RPS16: variants seen among roughly 807,000 people sequenced by gnomAD.
RPS16 encodes the protein ribosomal protein S16.
Under a neutral mutation model 20.1 loss-of-function variants are expected in RPS16, and 2 were observed. The observed-to-expected ratio is 0.10, with a 90% CI of 0.04 to 0.31. The LOEUF (loss-of-function observed/expected upper bound fraction) is 0.31. Among genes scored for constraint, RPS16 ranks in the 10% least tolerant of loss-of-function variants. The pLI, the probability that RPS16 is intolerant of heterozygous loss-of-function variation, is 1.00. For synonymous variants in RPS16, 95 were observed against 76.1 expected (o/e 1.25, Z -1.29); for missense variants, 129 against 198.6 (o/e 0.65, Z 2.11).
chr19:39,433,416 C>T lies in RPS16; in HGVS notation c.298G>A (p.Val100Met). 1.2e-6 allele frequency: 2 copies of T among 1,614,144 alleles called. No individual in the cohort carries two copies. Among genetic ancestry groups the T allele is most frequent in the Non-Finnish European group, 1.7e-6 (2 of 1,180,000 alleles). ...ATCTCCTTCTTGGAAGCCTCATCCA[C>T]ATCTGGCAAGAAGAGCAGGGACGAG... Reference protein sequence around the residue: ...KALVAYYQKYVDEASKKEIKD... With the variant: ...KALVAYYQKYMDEASKKEIKD... The change falls in exon 5 of 5, where the codon GTG becomes ATG. Residue 100 changes from valine to methionine, a missense_variant and splice_region_variant. Coordinates refer to ENST00000251453, the MANE Select transcript of RPS16 (RefSeq NM_001020.6).
intron 2 of RPS16, chr19:39,435,118 G>A (rs1000701357): frequency 1.3e-5 from 2 of 158,214 alleles, no homozygotes; most frequent in African/African-American, 2.4e-5. Flanking sequence ...GGCCAATATG[G>A]CGAAACCCCG....
intron 2 of RPS16, chr19:39,434,721 G>A (rs2078849997): frequency 6.6e-6 from 1 of 152,124 alleles, no homozygotes. Context: ...GAAAGGCTGA[G>A]GTGGGAGGAT....
chr19:39,433,137 A>C lies in RPS16; in HGVS notation c.*136T>G. The C allele has an allele frequency of 2.0e-6, 2 of 997,034 alleles. No individual in the cohort carries two copies. Among genetic ancestry groups the C allele is most frequent in the Non-Finnish European group, 3.0e-6 (2 of 668,994 alleles). The allele number at this position is 997,034 out of a possible 1,614,324, so 61.8% of individuals were successfully genotyped here. On this transcript the variant is annotated 3_prime_UTR_variant, in exon 5 of 5. Coordinates refer to ENST00000251453, the MANE Select transcript of RPS16 (RefSeq NM_001020.6). ...GGGAGGGTCAAAATCCAGACTGGCA[A>C]TAGGTCCAGGATGTTTACTGATTTC... is the stretch of plus-strand genomic sequence containing the variant.
At chr19:39,433,959 G>A in intron 2 of RPS16, 198 bp from the exon 3 acceptor site, 1 of 577,368 alleles carries the variant, frequency 1.7e-6, no homozygotes, top group Non-Finnish European at 3.1e-6. Flanking sequence ...GACTGCTGAA[G>A]TGGTGTTAAG....
At chr19:39,435,731 G>A (rs768164666) in intron 1 of RPS16, 23 bp from the exon 2 acceptor site, 16 of 1,611,754 alleles carry the variant, frequency 9.9e-6, no homozygotes, top group African/African-American at 1.3e-5. Context: ...AGAGAAACAG[G>A]GGCCCCGTGA....
At position 39,433,191 on chromosome 19, in the gene RPS16, A is replaced by G. The variant is rs2146040265; in HGVS notation, c.*82T>C. The G allele has an allele frequency of 1.4e-6, 2 of 1,421,888 alleles. No homozygotes were observed. Among genetic ancestry groups the G allele is most frequent in the Admixed American group, 1.8e-5 (1 of 55,868 alleles). 88.1% of individuals were successfully genotyped at this position (1,421,888 alleles called of 1,614,324 possible). On this transcript the variant is annotated 3_prime_UTR_variant, in exon 5 of 5. Coordinates refer to ENST00000251453, the MANE Select transcript of RPS16 (RefSeq NM_001020.6). Reference sequence around the variant, plus strand: ...CTGGTTAAACATCCAATACCAACACATAAGGCCACACACAGTTCTTGAAAC... The same window carrying G: ...CTGGTTAAACATCCAATACCAACACGTAAGGCCACACACAGTTCTTGAAAC...
At chr19:39,435,428 G>A (rs1046124028) in intron 2 of RPS16, 179 bp downstream of exon 2, 4 of 588,284 alleles carry the variant, frequency 6.8e-6, no homozygotes, top group Non-Finnish European at 9.0e-6. Flanking sequence ...CCCCATCTCA[G>A]CTTTTACATC....
intron 2 of RPS16, 131 bp downstream of exon 2, chr19:39,435,476 C>T (rs2078856129): frequency 7.4e-6 from 5 of 671,354 alleles, no homozygotes; most frequent in Non-Finnish European, 1.3e-5. Flanking sequence ...CCAAATACCC[C>T]ACTGTTCTAC....
chr19:39,434,149 TC>T, intron 2 of RPS16: 1 of 216,610 alleles, frequency 4.6e-6, no homozygotes, highest in Non-Finnish European at 9.5e-6. Flanking sequence ...CCTGGACTGT[TC>T]AGGTGCCTTT....
At chr19:39,433,821 A>C in intron 2 of RPS16, 60 bp from the exon 3 acceptor site, 15 of 1,530,036 alleles carry the variant, frequency 9.8e-6, no homozygotes, top group Non-Finnish European at 1.3e-5. Context: ...TAGCCATCTC[A>C]CTGGGCTTCT....
intron 2 of RPS16, 50 bp from the exon 3 acceptor site, chr19:39,433,811 T>C: frequency 1.3e-6 from 2 of 1,577,158 alleles, no homozygotes; most frequent in African/African-American, 2.7e-5. Context: ...CTGGGCAGCT[T>C]AGCCATCTCA....
chr19:39,435,558 G>A, intron 2 of RPS16, 49 bp downstream of exon 2: 1 of 1,484,418 alleles, frequency 6.7e-7, no homozygotes, highest in Admixed American at 1.8e-5. Flanking sequence ...CAACATCTCT[G>A]TCTCCAAGAG....
chr19:39,434,446 A>T (rs2078848377), intron 2 of RPS16: 2 of 153,044 alleles, frequency 1.3e-5, no homozygotes, highest in South Asian at 4.1e-4. Context: ...TGTCCCCAAA[A>T]CTCAACAGAG....
chr19:39,433,898 A>C, intron 2 of RPS16, 137 bp from the exon 3 acceptor site: 1 of 750,732 alleles, frequency 1.3e-6, no homozygotes, highest in Admixed American at 2.4e-5. Flanking sequence ...GTGTCACTCC[A>C]AGGCCCTCTA....
rs2078845456 is a variant in RPS16 at position 39,433,961 on chromosome 19, G to A, written c.151-200C>T. 3 of 574,680 alleles carry A rather than the reference G, an allele frequency of 5.2e-6. No individual in the cohort carries two copies. In the Admixed American group the frequency reaches 9.1e-5, roughly 17 times the overall value. The allele number at this position is 574,680 out of a possible 1,614,324, so 35.6% of individuals were successfully genotyped here. On this transcript the variant is annotated intron_variant, in intron 2 of 4. Coordinates refer to ENST00000251453, the MANE Select transcript of RPS16 (RefSeq NM_001020.6). Reference sequence around the variant, plus strand: ...AAGCCAGATATGAGACTGCTGAAGTGGTGTTAAGAAATATAGGCAAGGTAA... The same window carrying A: ...AAGCCAGATATGAGACTGCTGAAGTAGTGTTAAGAAATATAGGCAAGGTAA...
In RPS16 at chr19:39,433,778, T is replaced by C. The variant is rs747007944; in HGVS notation, c.151-17A>G. On this transcript the variant is annotated splice_polypyrimidine_tract_variant and intron_variant, in intron 2 of 4. Transcript: ENST00000251453. Reference sequence around the variant, plus strand: ...CTCCAGCAGCTAAAGGAATGGGGAATGAACAGGGATTTAAGTTACATGCTG... The same window carrying C: ...CTCCAGCAGCTAAAGGAATGGGGAACGAACAGGGATTTAAGTTACATGCTG... 22 of 1,612,454 alleles carry C rather than the reference T, an allele frequency of 1.4e-5. 1 individual carries two copies. The highest frequency in any genetic ancestry group is 7.7e-5 in the South Asian group (7 of 90,952).
chr19:39,435,528 C>G (rs1039423897), intron 2 of RPS16, 79 bp downstream of exon 2: 1 of 1,195,458 alleles, frequency 8.4e-7, no homozygotes, highest in African/African-American at 1.5e-5. Context: ...GATGCCAGCC[C>G]CCCCAGCTTT....
At chr19:39,435,339 AC>A in intron 2 of RPS16, 1 of 471,670 alleles carries the variant, frequency 2.1e-6, no homozygotes, top group East Asian at 3.3e-5. Context: ...GTGTCCCTTC[AC>A]CCTTTGGGTC....
In RPS16 at chr19:39,435,694, A is replaced by T; in HGVS notation, c.63T>A (p.Ala21=). The change falls in exon 2 of 5, where the codon GCT becomes GCA. Residue 21 remains alanine, a synonymous_variant. Transcript: ENST00000251453. ...CATTGCCGCGTTTGCAGTGCGCCAC[A>T]GCTGTCGCTGTCTTCTGTAAGATAC... The part of the protein sequence containing the change: ...QVFGRKKTAT[A]VAHCKRGNGL... 6.2e-7 allele frequency: 1 copy of T among 1,613,752 alleles called. No individual in the cohort carries two copies. The highest frequency in any genetic ancestry group is 8.5e-7 in the Non-Finnish European group (1 of 1,179,968).
Sources: gnomAD v4.1 joint callset for allele counts on GRCh38, gnomAD v4.1.1 for gene constraint, MANE v1.5 for transcripts, NCBI Gene and HGNC (gene_info 2026-07-23, HGNC 2026-07-21) for gene names.